Variants in TENM1 observed in about 807,000 individuals in gnomAD.
TENM1 encodes teneurin transmembrane protein 1.
In TENM1, 35 loss-of-function variants were observed where a neutral mutation model predicts 174.8. That is an observed-to-expected ratio of 0.20 (90% CI 0.15 to 0.27). The LOEUF (loss-of-function observed/expected upper bound fraction) is 0.27. Among genes scored for constraint, TENM1 ranks in the 10% least tolerant of loss-of-function variants. The pLI is 1.00. For synonymous variants in TENM1, 781 were observed against 798.7 expected (o/e 0.98, Z 0.37); for missense variants, 1,633 against 2,130.1 (o/e 0.77, Z 4.59).
At chrX:124,463,836 GGTGTGTGTGTGTGTGTGTGT>G (rs61128914) in intron 22 of TENM1, among the ~76,000 whole-genome samples, 2 of 90,943 alleles carry the variant, frequency 2.2e-5, no homozygotes, top group Admixed American at 1.2e-4. Context: ...TAGAGGTTGG[GGTGTGTGTGTGTGTGTGTGT>G]GTGTGTGTGT....
At chrX:125,085,384 T>C in the TENM1 span, among the ~76,000 whole-genome samples, 1 of 111,156 alleles carries the variant, frequency 9.0e-6, no homozygotes, top group South Asian at 3.7e-4. Flanking sequence ...TGAATATTTG[T>C]CTACATCCTG....
the TENM1 span, among the ~76,000 whole-genome samples, chrX:124,989,148 T>A: frequency 1.8e-5 from 2 of 111,710 alleles, no homozygotes; most frequent in Non-Finnish European, 3.8e-5. Flanking sequence ...CAACTATTTA[T>A]ATAGAGAATC....
At chrX:124,751,778 G>A (rs1487917771) in intron 3 of TENM1, among the ~76,000 whole-genome samples, 1 of 107,226 alleles carries the variant, frequency 9.3e-6, no homozygotes, top group Non-Finnish European at 1.9e-5. Context: ...TACTGAGAAT[G>A]ATGATTTCCA....
chrX:124,614,291 C>T (rs1394760983), intron 11 of TENM1, among the ~76,000 whole-genome samples: 1 of 111,818 alleles, frequency 8.9e-6, no homozygotes, highest in Admixed American at 9.5e-5. Context: ...AAGAATGCAG[C>T]TTTACGTAAA....
At chrX:124,756,162 A>G (rs1188552322) in intron 3 of TENM1, among the ~76,000 whole-genome samples, 1 of 102,386 alleles carries the variant, frequency 9.8e-6, no homozygotes, top group Admixed American at 1.0e-4. Context: ...ACATAGTCCC[A>G]TATTTCTTGG....
intron 11 of TENM1, among the ~76,000 whole-genome samples, chrX:124,620,274 C>T (rs1305560026): frequency 9.0e-6 from 1 of 111,214 alleles, no homozygotes; most frequent in African/African-American, 3.3e-5. Flanking sequence ...GGGGCCTCAA[C>T]CTGTCCTCAA....
At chrX:124,593,821 C>T (rs1222026276) in intron 11 of TENM1, among the ~76,000 whole-genome samples, 1 of 111,820 alleles carries the variant, frequency 8.9e-6, no homozygotes, top group African/African-American at 3.3e-5. Flanking sequence ...CCTACCAATC[C>T]GGGATTGCAG....
At chrX:124,806,177 GA>G (rs771058363) in intron 3 of TENM1, among the ~76,000 whole-genome samples, 1 of 111,461 alleles carries the variant, frequency 9.0e-6, no homozygotes. Flanking sequence ...AAAATACAAT[GA>G]AAAAAACGCA....
chrX:124,736,874 T>C, intron 4 of TENM1, 83 bp downstream of exon 7: 1 of 1,086,140 alleles, frequency 9.2e-7, no homozygotes, highest in Middle Eastern at 3.0e-4. Context: ...TGCAGATGTG[T>C]GTGATGAAAT....
intron 5 of TENM1, among the ~76,000 whole-genome samples, chrX:124,676,879 A>T (rs2052101460): frequency 9.2e-6 from 1 of 109,106 alleles, no homozygotes; most frequent in Admixed American, 9.9e-5. Context: ...AAAAAAAAAA[A>T]AAAATCCCAC....
intron 15 of TENM1, among the ~76,000 whole-genome samples, chrX:124,537,678 T>C (rs1323239261): frequency 1.8e-5 from 2 of 112,124 alleles, no homozygotes; most frequent in Admixed American, 1.9e-4. Flanking sequence ...GGAGATGAGC[T>C]ATAGCATGTC....
At chrX:124,644,067 A>ATATATG (rs1347095742) in intron 10 of TENM1, among the ~76,000 whole-genome samples, 3 of 98,139 alleles carry the variant, frequency 3.1e-5, no homozygotes, top group African/African-American at 1.1e-4. Flanking sequence ...ATATATATAT[A>ATATATG]TGTGTATATA....
intron 3 of TENM1, among the ~76,000 whole-genome samples, chrX:124,801,797 T>C (rs1328612082): frequency 8.9e-6 from 1 of 111,764 alleles, no homozygotes; most frequent in Non-Finnish European, 1.9e-5. Context: ...ACAAAATCCC[T>C]CAGTATTTGC....
chrX:124,946,157 G>GA (rs945854143), intron 1 of TENM1, among the ~76,000 whole-genome samples: 1 of 111,467 alleles, frequency 9.0e-6, no homozygotes, highest in Non-Finnish European at 1.9e-5. Context: ...TGATGCAGTT[G>GA]AAAAAAACGT....
At chrX:124,496,173 A>ATC (rs1220700064) in intron 20 of TENM1, among the ~76,000 whole-genome samples, 5 of 111,144 alleles carry the variant, frequency 4.5e-5, no homozygotes, top group Non-Finnish European at 9.4e-5. Context: ...CCATATGTAG[A>ATC]AAGCTGAAAC....
At chrX:124,695,425 T>C (rs1024693495) in intron 5 of TENM1, among the ~76,000 whole-genome samples, 8 of 111,105 alleles carry the variant, frequency 7.2e-5, no homozygotes, top group Non-Finnish European at 1.1e-4. Context: ...ACTAAGTTCC[T>C]GATTTGGGGA....
chrX:125,052,802 G>A, the TENM1 span, among the ~76,000 whole-genome samples: 2 of 112,265 alleles, frequency 1.8e-5, no homozygotes, highest in African/African-American at 3.2e-5. Flanking sequence ...TCCGGGCTTC[G>A]CCAACAGAAA....
chrX:124,839,833 A>G (rs747479810), intron 3 of TENM1, among the ~76,000 whole-genome samples: 1 of 111,784 alleles, frequency 8.9e-6, no homozygotes, highest in Non-Finnish European at 1.9e-5. Context: ...TTGTTAAGTG[A>G]TTGGACCTTA....
At chrX:124,559,715 T>C (rs982670629) in intron 14 of TENM1, among the ~76,000 whole-genome samples, 1 of 111,180 alleles carries the variant, frequency 9.0e-6, no homozygotes, top group Non-Finnish European at 1.9e-5. Flanking sequence ...AATGAAATAA[T>C]TCACATAAGG....
Sources: allele counts gnomAD v4.1 joint callset (sites outside exome capture counted in the v4.1 genomes callset), GRCh38; gene constraint gnomAD v4.1.1; transcripts MANE v1.5; gene names NCBI Gene and HGNC (gene_info 2026-07-23, HGNC 2026-07-21).